The following PLS3 variants were observed in gnomAD, a reference collection of about 807,000 sequenced individuals.
PLS3 encodes the protein plastin 3.
PLS3 carries 11 observed loss-of-function variants against 46.5 expected under a neutral mutation model. That is an observed-to-expected ratio of 0.24 (90% CI 0.15 to 0.39). The LOEUF is 0.39. PLS3 is among the 10% of genes least tolerant of loss of function. PLS3 has a pLI of 1.00. For synonymous variants in PLS3, 167 were observed against 162.2 expected (o/e 1.03, Z -0.22); for missense variants, 308 against 461.8 (o/e 0.67, Z 3.05).
chrX:115,588,059 A>T (rs1478394816), intron 1 of PLS3, among the ~76,000 whole-genome samples: 1 of 112,351 alleles, frequency 8.9e-6, no homozygotes, highest in Non-Finnish European at 1.9e-5. Flanking sequence ...GACCCACATA[A>T]CTTACTGAAA....
At chrX:115,561,474 G>A (rs957158258) in intron 1 of PLS3, among the ~76,000 whole-genome samples, 1 of 111,648 alleles carries the variant, frequency 9.0e-6, no homozygotes, top group Non-Finnish European at 1.9e-5. Flanking sequence ...TGTGAGTGAC[G>A]GGGAGTTTCC....
rs782662749 is a variant in PLS3 at position 115,575,733 on chromosome X, G to T, written c.-9+14473G>T. ...ACTGGGATTACAGGCGTGAGCCACC[G>T]CGCCTGGCCTCTATCTAAGTTTAGC... On this transcript the variant is annotated intron_variant, in intron 1 of 15. Coordinates refer to ENST00000355899, the MANE Select transcript of PLS3 (RefSeq NM_005032.7). Among the ~76,000 whole-genome samples, 5 of 110,836 alleles carry T rather than the reference G, an allele frequency of 4.5e-5. No homozygotes were observed. In the Admixed American group the frequency reaches 4.8e-4, roughly 11 times the overall value.
At chrX:115,637,095 C>A in intron 8 of PLS3, 117 bp downstream of exon 8, 1 of 693,338 alleles carries the variant, frequency 1.4e-6, no homozygotes, top group Non-Finnish European at 2.1e-6. Flanking sequence ...GTCTCTTGGC[C>A]CTGAAGGTAG....
chrX:115,567,438 A>T (rs949187821), intron 1 of PLS3, among the ~76,000 whole-genome samples: 39 of 109,857 alleles, frequency 3.6e-4, no homozygotes, highest in African/African-American at 1.3e-3. Flanking sequence ...TAAAATACAA[A>T]AACTTAGCCA....
intron 1 of PLS3, among the ~76,000 whole-genome samples, chrX:115,598,063 G>T (rs1168139391): frequency 9.0e-6 from 1 of 110,808 alleles, no homozygotes; most frequent in African/African-American, 3.3e-5. Flanking sequence ...CACTTTTGGA[G>T]GCCAAAGCAG....
intron 6 of PLS3, among the ~76,000 whole-genome samples, chrX:115,634,414 T>C (rs1003693673): frequency 2.3e-4 from 26 of 112,190 alleles, no homozygotes; most frequent in Non-Finnish European, 3.8e-4. Flanking sequence ...CATTTTTTTT[T>C]CTATCAAGTG....
rs781866495 is a variant in PLS3, at chrX:115,633,474, T to TTTTA, written c.501-502_501-499dup. Among the ~76,000 whole-genome samples, 90 of 109,349 alleles carry TTTTA rather than the reference T, an allele frequency of 8.2e-4. 1 individual carries two copies. The highest frequency in any genetic ancestry group is 2.3e-3 in the East Asian group (8 of 3,482). The allele number at this position is 109,349 out of a possible 115,157, so 95.0% of individuals were successfully genotyped here. A position where few individuals can be genotyped will look rare whatever the true frequency, so the allele number is the denominator to read the frequency against. ...CGTGAGCCACCATGCCTGGCCAGGG[T>TTTTA]TTTATTTATTTATTTATTTATTTAT... On this transcript the variant is annotated intron_variant, in intron 5 of 15. Transcript: ENST00000355899.
chrX:115,581,143 G>A (rs1481925433), intron 1 of PLS3, among the ~76,000 whole-genome samples: 1 of 111,617 alleles, frequency 9.0e-6, no homozygotes, highest in East Asian at 2.8e-4. Flanking sequence ...AATTTTTGAA[G>A]GTTTACTTCT....
chrX:115,646,255 A>G (rs2074950334), intron 12 of PLS3, 69 bp downstream of exon 12: 1 of 879,449 alleles, frequency 1.1e-6, no homozygotes, highest in Non-Finnish European at 1.6e-6. Flanking sequence ...TTTTGTTTCT[A>G]AAACTCTTGA....
intron 1 of PLS3, among the ~76,000 whole-genome samples, chrX:115,568,909 G>T (rs1362195614): frequency 9.0e-6 from 1 of 110,922 alleles, no homozygotes; most frequent in Non-Finnish European, 1.9e-5. Flanking sequence ...GGTGGCGCAC[G>T]CCTGTAATCC....
chrX:115,574,315 G>A (rs2074235083), intron 1 of PLS3, among the ~76,000 whole-genome samples: 1 of 111,858 alleles, frequency 8.9e-6, no homozygotes, highest in South Asian at 3.8e-4. Context: ...GATAACGATT[G>A]AATTGGGAAA....
chrX:115,562,200 G>A (rs1439073894), intron 1 of PLS3, among the ~76,000 whole-genome samples: 1 of 111,215 alleles, frequency 9.0e-6, no homozygotes, highest in African/African-American at 3.3e-5. Context: ...CAGTACTTAA[G>A]CGCTGTAATG....
rs782766471 is a variant in PLS3, at chrX:115,645,075, A to G, written c.1238A>G (p.Asn413Ser). The change falls in exon 11 of 16, where the codon AAT becomes AGT. Residue 413 changes from asparagine (N) to serine (S), a missense_variant. Physicochemically the swap from Asn to Ser is conservative, Grantham distance 46. Coordinates refer to ENST00000355899, the MANE Select transcript of PLS3 (RefSeq NM_005032.7). The part of the protein sequence containing the change: ...FRNWMNSLGV[N>S]PHVNHLYADL... ...AACTGGATGAACTCTCTTGGTGTCA[A>G]TCCTCACGTAAACCATCTCTATGCG... 5.9e-6 allele frequency: 7 copies of G among 1,183,745 alleles called. No homozygotes were observed. The highest frequency in any genetic ancestry group is 4.4e-5 in the Admixed American group (2 of 45,951).
At position 115,629,817 on chromosome X, in the gene PLS3, T is replaced by C; in HGVS notation, c.368-18T>C. 9.8e-7 allele frequency: 1 copy of C among 1,017,273 alleles called. No homozygotes were observed. The highest frequency in any genetic ancestry group is 1.4e-6 in the Non-Finnish European group (1 of 730,311). 83.8% of individuals were successfully genotyped at this position (1,017,273 alleles called of 1,213,427 possible). A position where few individuals can be genotyped will look rare whatever the true frequency, so the allele number is the denominator to read the frequency against. ...GTTAGAGTATGAACTAATGTCTTGT[T>C]ATTTAACATAATTTTAGAGGAAGAA... On this transcript the variant is annotated intron_variant, in intron 4 of 15. Transcript: ENST00000355899.
chrX:115,599,825 G>T (rs1246052091), intron 1 of PLS3, among the ~76,000 whole-genome samples: 1 of 109,256 alleles, frequency 9.2e-6, no homozygotes, highest in Non-Finnish European at 1.9e-5. Flanking sequence ...TAGAGACGGG[G>T]CTTCACCATG....
At chrX:115,594,622 CCTCT>C (rs1323997837) in intron 1 of PLS3, among the ~76,000 whole-genome samples, 13 of 99,083 alleles carry the variant, frequency 1.3e-4, no homozygotes, top group East Asian at 9.6e-4. Flanking sequence ...TCTTGCCTAG[CCTCT>C]CTCTCTCTCT....
chrX:115,570,473 T>C (rs952033061), intron 1 of PLS3, among the ~76,000 whole-genome samples: 2 of 109,174 alleles, frequency 1.8e-5, no homozygotes, highest in Non-Finnish European at 3.8e-5. Flanking sequence ...TCTACCTCTT[T>C]TTCTCTAATT....
intron 10 of PLS3, among the ~76,000 whole-genome samples, chrX:115,643,745 C>T (rs1193434080): frequency 9.0e-6 from 1 of 111,516 alleles, no homozygotes; most frequent in Non-Finnish European, 1.9e-5. Context: ...CCGACATGGG[C>T]GGATCACCTG....
At chrX:115,564,429 C>G (rs2074159532) in intron 1 of PLS3, among the ~76,000 whole-genome samples, 1 of 112,088 alleles carries the variant, frequency 8.9e-6, no homozygotes, top group Admixed American at 9.5e-5. Flanking sequence ...TTGACTGTGA[C>G]TGTTTATACT....
Sources: gnomAD v4.1 joint callset for allele counts (sites outside exome capture counted in the v4.1 genomes callset) on GRCh38, gnomAD v4.1.1 for gene constraint, MANE v1.5 for transcripts, NCBI Gene and HGNC (gene_info 2026-07-23, HGNC 2026-07-21) for gene names.